C12orf42: variants seen among roughly 807,000 people sequenced by gnomAD.
C12orf42 encodes uncharacterized protein C12orf42.
Under a neutral mutation model 21.6 loss-of-function variants are expected in C12orf42, and 25 were observed. The ratio of observed to expected loss-of-function variants is 1.16; its 90% CI spans 0.84 to 1.62. The LOEUF is 1.62. Ranked by LOEUF, C12orf42 falls within the 40% of genes most tolerant of loss-of-function variation. The pLI is 0.00. For synonymous variants in C12orf42, 174 were observed against 175.0 expected (o/e 0.99, Z 0.05); for missense variants, 483 against 459.3 (o/e 1.05, Z -0.47).
intron 2 of C12orf42, among the ~76,000 whole-genome samples, chr12:103,404,164 A>T (rs1286216973): frequency 6.6e-6 from 1 of 152,198 alleles, no homozygotes; most frequent in Non-Finnish European, 1.5e-5. Flanking sequence ...TTTATGTACA[A>T]ATAGCTGCAT....
At chr12:103,452,918 C>G (rs1019682396) in intron 2 of C12orf42, among the ~76,000 whole-genome samples, 2 of 151,856 alleles carry the variant, frequency 1.3e-5, no homozygotes, top group African/African-American at 4.8e-5. Flanking sequence ...GGAGATATAC[C>G]TAATGTAAAT....
chr12:103,174,054 C>T, the C12orf42 span, among the ~76,000 whole-genome samples: 2 of 152,216 alleles, frequency 1.3e-5, no homozygotes, highest in South Asian at 4.1e-4. Context: ...CTTGAAACAA[C>T]ACTGCCTCTA....
At chr12:103,211,366 T>G in the C12orf42 span, among the ~76,000 whole-genome samples, 2 of 152,182 alleles carry the variant, frequency 1.3e-5, no homozygotes, top group Non-Finnish European at 2.9e-5. Flanking sequence ...AAAACAGTCA[T>G]GTTGGGAGTT....
chr12:103,455,263 C>A (rs896144010), intron 2 of C12orf42, among the ~76,000 whole-genome samples: 1 of 152,100 alleles, frequency 6.6e-6, no homozygotes, highest in Non-Finnish European at 1.5e-5. Context: ...TGCAATCTCC[C>A]ACGCTTTCAA....
At chr12:103,363,217 A>G (rs2044271163) in intron 4 of C12orf42, among the ~76,000 whole-genome samples, 1 of 152,148 alleles carries the variant, frequency 6.6e-6, no homozygotes, top group Admixed American at 6.5e-5. Flanking sequence ...CAAAACAATT[A>G]TCAGCCAAGA....
At chr12:103,439,959 G>A (rs1473350491) in intron 2 of C12orf42, among the ~76,000 whole-genome samples, 10 of 149,682 alleles carry the variant, frequency 6.7e-5, no homozygotes, top group South Asian at 2.2e-4. Flanking sequence ...ACATGCACAC[G>A]TATGTTTATT....
chr12:103,480,985 C>T (rs2374071), intron 1 of C12orf42, among the ~76,000 whole-genome samples: 31,787 of 151,490 alleles, frequency 0.21, 3,838 homozygotes, highest in East Asian at 0.36. Context: ...ATATTAAAAT[C>T]TCCCACTAAT....
chr12:103,319,869 A>G (rs1004145118), intron 4 of C12orf42, among the ~76,000 whole-genome samples: 2 of 152,140 alleles, frequency 1.3e-5, no homozygotes, highest in Admixed American at 1.3e-4. Context: ...ATTTCCATCA[A>G]AGGCACATGA....
At chr12:103,294,563 A>AAG (rs1232411278) in intron 4 of C12orf42, among the ~76,000 whole-genome samples, 5 of 131,264 alleles carry the variant, frequency 3.8e-5, no homozygotes, top group African/African-American at 1.2e-4. Context: ...GAAAGAAAGA[A>AAG]AAAGAAAGGA....
chr12:103,514,674 A>G, the C12orf42 span, among the ~76,000 whole-genome samples: 1 of 152,196 alleles, frequency 6.6e-6, no homozygotes, highest in South Asian at 2.1e-4. Context: ...TTGCACAGAA[A>G]ACAGTTCACT....
the C12orf42 span, among the ~76,000 whole-genome samples, chr12:103,161,024 C>T: frequency 2.6e-5 from 4 of 152,326 alleles, no homozygotes; most frequent in South Asian, 4.1e-4. Flanking sequence ...TTGAGCATAA[C>T]GTCTGGCATG....
the C12orf42 span, among the ~76,000 whole-genome samples, chr12:103,528,385 A>G: frequency 6.6e-6 from 1 of 152,224 alleles, no homozygotes; most frequent in Non-Finnish European, 1.5e-5. Context: ...GCCTGATGCT[A>G]TAGTTGGATG....
chr12:103,315,551 A>G lies in C12orf42; in HGVS notation c.260-9206T>C, dbSNP rs1555253978. ...AAGAGAAAAAAAACCCAGAACATAC[A>G]AGAACTGTGGGACAATTTTCCAAGG... is the stretch of plus-strand genomic sequence containing the variant. On this transcript the variant is annotated intron_variant, in intron 4 of 5. Transcript: ENST00000548883. 2.0e-5 allele frequency among the ~76,000 whole-genome samples: 3 copies of G among 152,204 alleles called. No homozygotes were observed. The South Asian group carries it at 6.2e-4, about 32-fold the overall frequency.
Position 103,486,443 on chromosome 12 carries a change from T to C in C12orf42, c.-21-7996A>G, listed in dbSNP as rs143750729. 9.3e-5 allele frequency among the ~76,000 whole-genome samples: 14 copies of C among 150,782 alleles called. No individual in the cohort carries two copies. In the East Asian group the frequency reaches 2.5e-3, roughly 27 times the overall value. On this transcript the variant is annotated intron_variant, in intron 1 of 5. Transcript: ENST00000548883. ...ATGGGGCTAAAATTCTCTTTTTTTT[T>C]TGTTTTGGTATCGGGATAATGCTGG... is the stretch of plus-strand genomic sequence containing the variant.
the C12orf42 span, among the ~76,000 whole-genome samples, chr12:103,127,532 C>T: frequency 6.6e-6 from 1 of 151,996 alleles, no homozygotes; most frequent in South Asian, 2.1e-4. Flanking sequence ...TACATACATA[C>T]ATACATGAGA....
chr12:103,100,785 G>T, the C12orf42 span, among the ~76,000 whole-genome samples: 1 of 152,148 alleles, frequency 6.6e-6, no homozygotes, highest in African/African-American at 2.4e-5. Context: ...TATTTCTTGG[G>T]CCATGTGGAG....
the C12orf42 span, among the ~76,000 whole-genome samples, chr12:103,132,506 C>T: frequency 6.6e-6 from 1 of 152,146 alleles, no homozygotes; most frequent in Non-Finnish European, 1.5e-5. Flanking sequence ...AGAGATGGAA[C>T]TCATGCTGGG....
rs541957561 is a variant in C12orf42, at chr12:103,244,206, G to A, written c.*1367-6304C>T. Among the ~76,000 whole-genome samples, 131 of 152,102 alleles carry A rather than the reference G, an allele frequency of 8.6e-4. 2 individuals are homozygous for A. The highest frequency in any genetic ancestry group is 3.0e-3 in the African/African-American group (126 of 41,510). ...AACTTTCTAGTCCCATAACATGCAC[G>A]GATCCTAATCCCTGGCCTGCTGGAG... On this transcript the variant is annotated intron_variant and NMD_transcript_variant, in intron 10 of 10. Transcript: ENST00000547347.
chr12:103,281,502 G>A lies in C12orf42; in HGVS notation n.338-4292C>T, dbSNP rs972991184. Among the ~76,000 whole-genome samples, 7 of 151,662 alleles carry A rather than the reference G, an allele frequency of 4.6e-5. No homozygotes were observed. The South Asian group carries it at 1.3e-3, about 27-fold the overall frequency. On this transcript the variant is annotated intron_variant and non_coding_transcript_variant, in intron 4 of 6. Coordinates refer to the C12orf42 transcript ENST00000546526. ...CTCAGCCTCCCAAGTAGCTACAGGC[G>A]CCCACCACCATGCCTGGCTAATTTT...
Sources: gnomAD v4.1 joint callset for allele counts (sites outside exome capture counted in the v4.1 genomes callset) on GRCh38, gnomAD v4.1.1 for gene constraint, MANE v1.5 for transcripts, NCBI Gene and HGNC (gene_info 2026-07-23, HGNC 2026-07-21) for gene names.